CDC42SE2: variants seen among roughly 807,000 people sequenced by gnomAD.
The protein encoded by CDC42SE2 is CDC42 small effector protein 2.
A neutral mutation model predicts 11.5 loss-of-function variants in CDC42SE2; 3 were observed. The observed-to-expected ratio is 0.26, with a 90% confidence interval of 0.12 to 0.67. CDC42SE2 has a LOEUF of 0.67. CDC42SE2 is among the 30% of genes least tolerant of loss of function. The probability of loss-of-function intolerance (pLI) is 0.80; values close to 1 mark genes in which losing one functional copy is unlikely to be tolerated. For missense variants in CDC42SE2, 82 were observed against 106.8 expected (o/e 0.77, Z 1.02); for synonymous variants, 33 against 34.8 (o/e 0.95, Z 0.18).
chr5:131,342,731 GAGAT>G (rs1758741722), intron 2 of CDC42SE2, among the ~76,000 whole-genome samples: 1 of 148,134 alleles, frequency 6.8e-6, no homozygotes, highest in Non-Finnish European at 1.5e-5. Context: ...TTTTTTTTTT[GAGAT>G]AGATTCTCGC....
intron 2 of CDC42SE2, chr5:131,354,655 A>G (rs1749476569): frequency 6.6e-6 from 1 of 151,956 alleles, no homozygotes; most frequent in Non-Finnish European, 1.5e-5. Context: ...TTCTAGATAG[A>G]TTTTAGGCTG....
chr5:131,238,549 A>G, the CDC42SE2 span, among the ~76,000 whole-genome samples: 1 of 151,454 alleles, frequency 6.6e-6, no homozygotes, highest in Non-Finnish European at 1.5e-5. Flanking sequence ...AGCAAAGCCC[A>G]TGGTACATAT....
intron 1 of CDC42SE2, among the ~76,000 whole-genome samples, chr5:131,264,427 G>C (rs1756809689): frequency 6.6e-6 from 1 of 152,052 alleles, no homozygotes; most frequent in South Asian, 2.1e-4. Flanking sequence ...GCTCAGTTCA[G>C]AATTCACGGC....
At chr5:131,281,802 G>C (rs917870132) in intron 1 of CDC42SE2, among the ~76,000 whole-genome samples, 7 of 152,142 alleles carry the variant, frequency 4.6e-5, no homozygotes, top group African/African-American at 1.7e-4. Context: ...TAACTTTGCT[G>C]CATATTTGCT....
intron 1 of CDC42SE2, among the ~76,000 whole-genome samples, chr5:131,315,179 G>A (rs1038914986): frequency 3.9e-5 from 6 of 151,978 alleles, no homozygotes; most frequent in African/African-American, 1.2e-4. Flanking sequence ...GATTTTAGGC[G>A]TGTTTTGTCT....
At chr5:131,310,632 T>A (rs1296670902) in intron 1 of CDC42SE2, among the ~76,000 whole-genome samples, 2 of 151,706 alleles carry the variant, frequency 1.3e-5, no homozygotes, top group African/African-American at 4.9e-5. Flanking sequence ...TGGGTGCTCC[T>A]GTATTGGGTG....
rs139912781 is a variant in CDC42SE2, at chr5:131,361,813, C to T, written c.54+2266C>T. ...CTCTCCTTTAACTGCCCCGGCCAAA[C>T]TCCGCCTCATCCAGCCAGTTGATGG... On this transcript the variant is annotated intron_variant, in intron 3 of 4. Coordinates refer to ENST00000505065, the MANE Select transcript of CDC42SE2 (RefSeq NM_001375635.1). Among the ~76,000 whole-genome samples the T allele has an allele frequency of 7.9e-5, 12 of 152,288 alleles. 1 individual carries two copies. The East Asian group carries it at 2.3e-3, about 29-fold the overall frequency.
At chr5:131,335,754 G>T (rs902928772) in intron 2 of CDC42SE2, among the ~76,000 whole-genome samples, 1 of 152,088 alleles carries the variant, frequency 6.6e-6, no homozygotes, top group African/African-American at 2.4e-5. Flanking sequence ...ATCTTTGCTG[G>T]TTTAAAGTCT....
intron 3 of CDC42SE2, among the ~76,000 whole-genome samples, chr5:131,360,659 T>C (rs1341463059): frequency 6.6e-6 from 1 of 152,252 alleles, no homozygotes; most frequent in African/African-American, 2.4e-5. Context: ...ATATAATATC[T>C]TGGAGAGTGT....
rs1319005733 is a variant in CDC42SE2, at chr5:131,391,179, A to G, written c.*88A>G. ...CAGGCCAATAATAGTAAATATATGT[A>G]TATATATATAATTTTTTAATGGTGA... On this transcript the variant is annotated 3_prime_UTR_variant, in exon 5 of 5. Coordinates refer to ENST00000505065, the MANE Select transcript of CDC42SE2 (RefSeq NM_001375635.1). 1.4e-5 allele frequency: 7 copies of G among 504,428 alleles called. No homozygotes were observed. In the South Asian group the frequency reaches 2.3e-4, roughly 16 times the overall value. 31.2% of individuals were successfully genotyped at this position (504,428 alleles called of 1,614,324 possible).
At chr5:131,293,401 G>C (rs1757502826) in intron 1 of CDC42SE2, among the ~76,000 whole-genome samples, 1 of 152,130 alleles carries the variant, frequency 6.6e-6, no homozygotes, top group Middle Eastern at 3.2e-3. Context: ...GTGAAACCCT[G>C]TTTCTACTAA....
chr5:131,292,109 C>A (rs1757468328), intron 1 of CDC42SE2, among the ~76,000 whole-genome samples: 1 of 151,542 alleles, frequency 6.6e-6, no homozygotes, highest in Admixed American at 6.6e-5. Flanking sequence ...CATGGTGGCG[C>A]ATGCCTGTTG....
chr5:131,265,908 T>C (rs1272154376), intron 1 of CDC42SE2, among the ~76,000 whole-genome samples: 1 of 152,232 alleles, frequency 6.6e-6, no homozygotes, highest in Admixed American at 6.5e-5. Context: ...ATAATCTTTG[T>C]AATAACATTT....
intron 2 of CDC42SE2, among the ~76,000 whole-genome samples, chr5:131,340,618 A>G (rs868795189): frequency 3.3e-5 from 5 of 152,148 alleles, no homozygotes; most frequent in South Asian, 4.1e-4. Flanking sequence ...TAGACAAACA[A>G]CTGAGAAGCT....
intron 2 of CDC42SE2, among the ~76,000 whole-genome samples, chr5:131,318,869 C>T (rs1580751284): frequency 6.6e-6 from 1 of 152,270 alleles, no homozygotes; most frequent in Non-Finnish European, 1.5e-5. Flanking sequence ...GCCTCTGACA[C>T]AGATGTGCAG....
intron 2 of CDC42SE2, among the ~76,000 whole-genome samples, chr5:131,346,058 A>G (rs968465717): frequency 3.9e-5 from 6 of 152,336 alleles, no homozygotes; most frequent in African/African-American, 1.2e-4. Flanking sequence ...ATGCCAAATT[A>G]TAAAGACTAT....
intron 3 of CDC42SE2, among the ~76,000 whole-genome samples, chr5:131,377,985 CTG>C (rs1220191854): frequency 6.6e-6 from 1 of 152,324 alleles, no homozygotes; most frequent in East Asian, 1.9e-4. Context: ...TTATTGTCTA[CTG>C]TGTGTCAGGC....
intron 1 of CDC42SE2, among the ~76,000 whole-genome samples, chr5:131,311,709 A>G (rs185180312): frequency 1.1e-4 from 17 of 152,172 alleles, no homozygotes; most frequent in Non-Finnish European, 1.6e-4. Flanking sequence ...TCCATCGCTG[A>G]TACCCTTTCT....
chr5:131,314,734 T>C (rs1758005142), intron 1 of CDC42SE2, among the ~76,000 whole-genome samples: 1 of 152,172 alleles, frequency 6.6e-6, no homozygotes, highest in Non-Finnish European at 1.5e-5. Flanking sequence ...TGAAGAAATG[T>C]GTAAGTTTAT....
Sources: gnomAD v4.1 joint callset for allele counts (sites outside exome capture counted in the v4.1 genomes callset) on GRCh38, gnomAD v4.1.1 for gene constraint, MANE v1.5 for transcripts, NCBI Gene and HGNC (gene_info 2026-07-23, HGNC 2026-07-21) for gene names.